Variants in PCDH15 observed in about 807,000 individuals in gnomAD.
PCDH15 encodes the protein protocadherin-15.
Under a neutral mutation model 178.5 loss-of-function variants are expected in PCDH15, and 129 were observed. The observed-to-expected ratio is 0.72, with a 90% CI of 0.63 to 0.84. The LOEUF (loss-of-function observed/expected upper bound fraction) is 0.84, where lower values mean the gene tolerates loss of function less well. Among genes scored for constraint, PCDH15 ranks in the 40% least tolerant of loss-of-function variants. The pLI is 0.00. For missense variants in PCDH15, 2,230 were observed against 2,099.9 expected, an observed-to-expected ratio of 1.06 and a Z score of -1.21; for synonymous variants, 800 against 732.0, an observed-to-expected ratio of 1.09 and a Z score of -1.50.
intron 3 of PCDH15, among the ~76,000 whole-genome samples, chr10:54,419,309 A>T (rs1307599088): frequency 6.6e-6 from 1 of 151,910 alleles, no homozygotes; most frequent in African/African-American, 2.4e-5. Context: ...TTCTTTCATA[A>T]GCAGTATTTT....
At chr10:54,807,722 A>G (rs949956944) in intron 3 of PCDH15, among the ~76,000 whole-genome samples, 1 of 148,508 alleles carries the variant, frequency 6.7e-6, no homozygotes, top group Non-Finnish European at 1.5e-5. Flanking sequence ...ATATTTATAT[A>G]TAAATATGGA....
chr10:54,802,401 G>A (rs1952691674), upstream of PCDH15, among the ~76,000 whole-genome samples: 1 of 152,134 alleles, frequency 6.6e-6, no homozygotes, highest in African/African-American at 2.4e-5. Flanking sequence ...ATTAACACGT[G>A]TAGAAGTAAA....
chr10:55,512,996 T>C (rs1193753841), intron 2 of PCDH15: 1 of 152,140 alleles, frequency 6.6e-6, no homozygotes, highest in Non-Finnish European at 1.5e-5. Context: ...TGGCTTCATT[T>C]GGAACATTGT....
chr10:55,225,722 T>A (rs1444261436), intron 1 of PCDH15, among the ~76,000 whole-genome samples: 1 of 151,800 alleles, frequency 6.6e-6, no homozygotes, highest in East Asian at 1.9e-4. Context: ...TAATTAACTA[T>A]GAGTGTGAAG....
At chr10:53,922,923 T>A (rs2084125753) in intron 25 of PCDH15, among the ~76,000 whole-genome samples, 1 of 151,928 alleles carries the variant, frequency 6.6e-6, no homozygotes, top group Admixed American at 6.6e-5. Context: ...CCATCTCTAC[T>A]AAAAATACAA....
intron 2 of PCDH15, among the ~76,000 whole-genome samples, chr10:54,625,035 AG>A (rs1299006250): frequency 2.0e-5 from 3 of 152,182 alleles, no homozygotes; most frequent in African/African-American, 7.2e-5. Context: ...CTGGGTCCGT[AG>A]AAAAATTGTC....
At chr10:55,153,621 G>A (rs1838798081) in intron 2 of PCDH15, among the ~76,000 whole-genome samples, 1 of 152,092 alleles carries the variant, frequency 6.6e-6, no homozygotes, top group Non-Finnish European at 1.5e-5. Flanking sequence ...ATAGCCACTG[G>A]CGGCCTTGTG....
intron 3 of PCDH15, among the ~76,000 whole-genome samples, chr10:54,515,797 T>A (rs2082153503): frequency 6.6e-6 from 1 of 152,178 alleles, no homozygotes; most frequent in South Asian, 2.1e-4. Context: ...AGAGGACCCA[T>A]CAGGCAGCAG....
intron 14 of PCDH15, among the ~76,000 whole-genome samples, chr10:54,140,574 T>G (rs936080565): frequency 2.0e-5 from 3 of 152,044 alleles, no homozygotes; most frequent in Non-Finnish European, 4.4e-5. Flanking sequence ...GTTCAAGTGA[T>G]TCCCCTTCCT....
chr10:55,067,140 G>A (rs955036871), intron 2 of PCDH15, among the ~76,000 whole-genome samples: 1 of 151,912 alleles, frequency 6.6e-6, no homozygotes, highest in African/African-American at 2.4e-5. Flanking sequence ...ACCAGGAAAG[G>A]TATAATTATA....
At chr10:55,460,900 A>C (rs1275950508) in intron 2 of PCDH15, among the ~76,000 whole-genome samples, 1 of 152,040 alleles carries the variant, frequency 6.6e-6, no homozygotes, top group African/African-American at 2.4e-5. Flanking sequence ...TCAGGTCCTG[A>C]TATTAAAATT....
At chr10:53,885,966 C>T (rs1376023172) in intron 26 of PCDH15, among the ~76,000 whole-genome samples, 3 of 152,038 alleles carry the variant, frequency 2.0e-5, no homozygotes, top group Admixed American at 2.0e-4. Context: ...AAGAGAGGCC[C>T]AGTATTCAGT....
chr10:55,495,732 T>C (rs1840518525), intron 2 of PCDH15, among the ~76,000 whole-genome samples: 1 of 151,766 alleles, frequency 6.6e-6, no homozygotes, highest in African/African-American at 2.4e-5. Flanking sequence ...CACTTCTACT[T>C]ATATATTAAA....
At chr10:55,042,661 A>T (rs976804506) in intron 2 of PCDH15, among the ~76,000 whole-genome samples, 17 of 151,978 alleles carry the variant, frequency 1.1e-4, no homozygotes, top group Admixed American at 2.6e-4. Context: ...AGGGATATAT[A>T]TATTTTTTAA....
chr10:53,812,448 C>T (rs1043478525), intron 35 of PCDH15, among the ~76,000 whole-genome samples: 1 of 151,950 alleles, frequency 6.6e-6, no homozygotes, highest in Non-Finnish European at 1.5e-5. Context: ...CTCCTGACCT[C>T]GTGATCAGCC....
chr10:55,556,296 T>G (rs372630894), intron 2 of PCDH15, among the ~76,000 whole-genome samples: 4 of 152,166 alleles, frequency 2.6e-5, no homozygotes, highest in Non-Finnish European at 4.4e-5. Context: ...CTGGTTTTCA[T>G]AGAAGACAGT....
rs115352288 is a variant in PCDH15 at position 55,562,613 on chromosome 10, A to G, written c.-156+65012T>C. Among the ~76,000 whole-genome samples the G allele has an allele frequency of 6.8e-3, 1,038 of 152,132 alleles. 12 individuals carry two copies. Among genetic ancestry groups the G allele is most frequent in the African/African-American group, 0.024 (997 of 41,522 alleles). ...TACCAAGTCCTTGCTGAGATATGTA[A>G]TTAAAAGATATGAAATCAATGCTCA... On this transcript the variant is annotated intron_variant, in intron 2 of 5. Transcript: ENST00000613346.
rs1044811487 is a variant in PCDH15 at position 53,807,005 on chromosome 10, G to A, written c.4797C>T (p.Ile1599=). 7 of 1,613,584 alleles carry A rather than the reference G, an allele frequency of 4.3e-6. No individual in the cohort carries two copies. Among genetic ancestry groups the A allele is most frequent in the African/African-American group, 1.3e-5 (1 of 74,860 alleles). ...RLHHPSIHSN[I]NGNIYIAQNG... ...TCTGTGCAATATATATATTGCCGTT[G>A]ATATTACTGTGGATACTAGGATGGT... is the stretch of plus-strand genomic sequence containing the variant. Residue 1599 remains isoleucine, a synonymous_variant, in exon 38 of 38, where the codon ATC becomes ATT. Transcript: ENST00000644397.
chr10:53,992,318 A>C (rs932397249), intron 21 of PCDH15, among the ~76,000 whole-genome samples: 1 of 152,088 alleles, frequency 6.6e-6, no homozygotes, highest in Non-Finnish European at 1.5e-5. Context: ...GAACTGTAAC[A>C]CTCAGTGCGA....
Sources: allele counts gnomAD v4.1 joint callset (sites outside exome capture counted in the v4.1 genomes callset), GRCh38; gene constraint gnomAD v4.1.1; transcripts MANE v1.5; gene names NCBI Gene and HGNC (gene_info 2026-07-23, HGNC 2026-07-21).